The following SIN3A variants were observed in gnomAD, a reference collection of about 807,000 sequenced individuals.
The protein encoded by SIN3A is paired amphipathic helix protein Sin3a.
SIN3A carries 14 observed loss-of-function variants against 146.1 expected under a neutral mutation model. The ratio of observed to expected loss-of-function variants is 0.10; its 90% CI spans 0.06 to 0.15. The LOEUF is 0.15. Among genes scored for constraint, SIN3A ranks in the 10% least tolerant of loss-of-function variants. The pLI, the probability that SIN3A is intolerant of heterozygous loss-of-function variation, is 1.00. For missense variants in SIN3A, 1,028 were observed against 1,576.0 expected, an observed-to-expected ratio of 0.65 and a Z score of 5.89; for synonymous variants, 572 against 572.0, an observed-to-expected ratio of 1.00 and a Z score of 0.00.
intron 2 of SIN3A, among the ~76,000 whole-genome samples, chr15:75,423,978 G>A (rs1267548237): frequency 6.6e-6 from 1 of 151,096 alleles, no homozygotes; most frequent in Non-Finnish European, 1.5e-5. Context: ...CTAGAAAACA[G>A]AGCAAGACTC....
At position 75,371,926 on chromosome 15, in the gene SIN3A, GCCCACACACACATC is replaced by G. The variant is rs548132893; in HGVS notation, c.*39_*52del. Reference sequence around the variant, plus strand: ...GTTTCTTCAGTGTGTGAGTGCATAGGCCCACACACACATCCCCACACACACCCCAAGTTATCTGC... The same window carrying G: ...GTTTCTTCAGTGTGTGAGTGCATAGGCCCACACACACCCCAAGTTATCTGC... On this transcript the variant is annotated 3_prime_UTR_variant, in exon 21 of 21. Transcript: ENST00000394947. 4.2e-5 allele frequency: 62 copies of G among 1,481,788 alleles called. 1 individual carries two copies. Among genetic ancestry groups the G allele is most frequent in the Non-Finnish European group, 5.2e-5 (55 of 1,062,734 alleles). The allele number at this position is 1,481,788 out of a possible 1,614,324, so 91.8% of individuals were successfully genotyped here. A position where few individuals can be genotyped will look rare whatever the true frequency, so the allele number is the denominator to read the frequency against.
chr15:75,410,433 T>A, intron 6 of SIN3A, 147 bp from the exon 7 acceptor site: 1 of 697,258 alleles, frequency 1.4e-6, no homozygotes, highest in Non-Finnish European at 2.2e-6. Flanking sequence ...CCACAGACTT[T>A]CAAGTTGAGA....
chr15:75,381,653 T>A lies in SIN3A; in HGVS notation c.3248A>T (p.Asp1083Val). 6.2e-7 allele frequency: 1 copy of A among 1,613,972 alleles called. No individual in the cohort carries two copies. The highest frequency in any genetic ancestry group is 8.5e-7 in the Non-Finnish European group (1 of 1,179,920). Residue 1083 changes from aspartate to valine, a missense_variant, in exon 18 of 21, where the codon GAC becomes GTC. Around this residue, in one of 9 missense-constraint regions of SIN3A, gnomAD observed 488 missense variants for 690.2 expected, o/e 0.71. Transcript: ENST00000394947. The stretch of plus-strand genomic sequence containing the variant: ...GTCATCCGAATTCTCCTCTTCTGTG[T>A]CCAGAAGCTCAATAGTCAGCTGGAC... ...GQVQLTIELL[D>V]TEEENSDDPV... is the part of the protein sequence containing the mutation.
At chr15:75,375,562 C>G in intron 20 of SIN3A, 103 bp downstream of exon 20, 2 of 865,528 alleles carry the variant, frequency 2.3e-6, no homozygotes, top group Non-Finnish European at 3.8e-6. Context: ...GCTCCAAGAA[C>G]AGGTTTGCAT....
chr15:75,404,768 TAAAAA>T (rs11347632), intron 9 of SIN3A, among the ~76,000 whole-genome samples: 18 of 148,114 alleles, frequency 1.2e-4, no homozygotes, highest in Admixed American at 5.4e-4. Flanking sequence ...AGAAAAAAAA[TAAAAA>T]AAAAACAAAA....
intron 3 of SIN3A, 152 bp from the exon 4 acceptor site, chr15:75,414,463 A>T (rs1231838666): frequency 2.5e-6 from 1 of 392,670 alleles, no homozygotes; most frequent in East Asian, 3.6e-5. Context: ...TAGTATGGAT[A>T]CCAATAATAA....
chr15:75,451,744 G>A (rs2074415680), upstream of SIN3A: 1 of 150,982 alleles, frequency 6.6e-6, no homozygotes, highest in Admixed American at 6.6e-5. Flanking sequence ...GGAAGACTCA[G>A]CTTCGTTCCA....
intron 17 of SIN3A, among the ~76,000 whole-genome samples, chr15:75,382,885 C>G (rs567303802): frequency 6.6e-6 from 1 of 152,118 alleles, no homozygotes; most frequent in African/African-American, 2.4e-5. Flanking sequence ...GAGTTCAAGA[C>G]CAGCCTGACC....
intron 16 of SIN3A, among the ~76,000 whole-genome samples, chr15:75,385,729 A>G (rs2073063779): frequency 6.6e-6 from 1 of 152,198 alleles, no homozygotes. Context: ...CATGATAACT[A>G]TTTATTCTTA....
At chr15:75,450,836 C>T (rs772415148) in intron 1 of SIN3A, among the ~76,000 whole-genome samples, 23 of 152,328 alleles carry the variant, frequency 1.5e-4, no homozygotes, top group Non-Finnish European at 3.2e-4. Context: ...TTCCCTAGCA[C>T]CTCCTCATTG....
At chr15:75,410,385 T>G in intron 6 of SIN3A, 99 bp from the exon 7 acceptor site, 1 of 1,208,542 alleles carries the variant, frequency 8.3e-7, no homozygotes, top group Non-Finnish European at 1.2e-6. Flanking sequence ...TTAGGCTGCA[T>G]GTAAGAAGAA....
chr15:75,387,089 G>A (rs183656279), intron 16 of SIN3A, among the ~76,000 whole-genome samples: 2 of 152,184 alleles, frequency 1.3e-5, no homozygotes, highest in African/African-American at 4.8e-5. Context: ...TTAGAGGCAT[G>A]AGCCACCATG....
intron 2 of SIN3A, among the ~76,000 whole-genome samples, chr15:75,427,848 G>A (rs906924738): frequency 6.6e-6 from 1 of 151,820 alleles, no homozygotes; most frequent in East Asian, 1.9e-4. Flanking sequence ...GCAGGTGCAC[G>A]TAATCCCAGC....
chr15:75,430,391 A>C lies in SIN3A; in HGVS notation c.-16T>G, dbSNP rs772674986. 2 of 1,592,394 alleles carry C rather than the reference A, an allele frequency of 1.3e-6. No individual in the cohort carries two copies. Among genetic ancestry groups the C allele is most frequent in the Non-Finnish European group, 1.7e-6 (2 of 1,169,466 alleles). Reference sequence around the variant, plus strand: ...GCCGCTTCATTCTGTGCTCATGCTCAGGGATGCACTACAAAACCTGCAGAA... The same window carrying C: ...GCCGCTTCATTCTGTGCTCATGCTCCGGGATGCACTACAAAACCTGCAGAA... On this transcript the variant is annotated 5_prime_UTR_variant, in exon 2 of 21. Coordinates refer to ENST00000394947, the MANE Select transcript of SIN3A (RefSeq NM_001145358.2).
intron 3 of SIN3A, chr15:75,421,176 C>G (rs550591305): frequency 6.6e-6 from 1 of 152,234 alleles, no homozygotes; most frequent in African/African-American, 2.4e-5. Context: ...AGTGTTAATA[C>G]AGAATTAAAT....
chr15:75,403,224 A>G (rs999154370), intron 9 of SIN3A, among the ~76,000 whole-genome samples: 10 of 151,610 alleles, frequency 6.6e-5, no homozygotes, highest in Non-Finnish European at 1.3e-4. Context: ...GGAGTTTGAG[A>G]CCAGCCTGGC....
At chr15:75,445,958 T>A (rs901212463) in intron 1 of SIN3A, among the ~76,000 whole-genome samples, 1 of 152,190 alleles carries the variant, frequency 6.6e-6, no homozygotes, top group African/African-American at 2.4e-5. Flanking sequence ...ATGCTCAGCA[T>A]ACTGCTTTGT....
intron 1 of SIN3A, among the ~76,000 whole-genome samples, chr15:75,434,983 T>TA (rs972117762): frequency 3.3e-4 from 48 of 143,872 alleles, no homozygotes; most frequent in Non-Finnish European, 3.2e-4. Flanking sequence ...CAAAGCAATT[T>TA]AAAAAAAAAA....
In SIN3A at chr15:75,392,295, A is replaced by C; in HGVS notation, c.2798T>G (p.Ile933Arg). 6.2e-7 allele frequency: 1 copy of C among 1,614,156 alleles called. No homozygotes were observed. The highest frequency in any genetic ancestry group is 8.5e-7 in the Non-Finnish European group (1 of 1,180,020). The change falls in exon 15 of 21, where the codon ATA becomes AGA. Residue 933 changes from isoleucine (I) to arginine (R), a missense_variant. Physicochemically the swap from Ile to Arg is moderately conservative, Grantham distance 97. Transcript: ENST00000394947. ...AGGGCTGTCACTCTTGTCTCGCTTT[A>C]TGCCCAGCACTTCCCGTTCCCATTC... The part of the protein sequence containing the change: ...EREWEREVLG[I>R]KRDKSDSPAI...
Sources: gnomAD v4.1 joint callset for allele counts (sites outside exome capture counted in the v4.1 genomes callset) on GRCh38, gnomAD v4.1.1 for gene constraint, gnomAD v4.1.1 regional missense constraint, MANE v1.5 for transcripts, NCBI Gene and HGNC (gene_info 2026-07-23, HGNC 2026-07-21) for gene names.